The following EPB41L3 variants were observed in gnomAD, a reference collection of about 807,000 sequenced individuals.
EPB41L3 encodes erythrocyte membrane protein band 4.1 like 3.
In EPB41L3, 57 loss-of-function variants were observed where a neutral mutation model predicts 127.1. The observed-to-expected ratio is 0.45, with a 90% confidence interval of 0.36 to 0.56. The LOEUF (loss-of-function observed/expected upper bound fraction) is 0.56, where lower values mean the gene tolerates loss of function less well. EPB41L3 is among the 20% of genes least tolerant of loss of function. The pLI, the probability that EPB41L3 is intolerant of heterozygous loss-of-function variation, is 0.00. For synonymous variants in EPB41L3, 572 were observed against 549.5 expected, an observed-to-expected ratio of 1.04 and a Z score of -0.57; for missense variants, 1,273 against 1,372.2, an observed-to-expected ratio of 0.93 and a Z score of 1.14.
chr18:5,553,014 A>G (rs1315395475), intron 3 of EPB41L3, among the ~76,000 whole-genome samples: 10 of 152,160 alleles, frequency 6.6e-5, no homozygotes, highest in Admixed American at 4.6e-4. Flanking sequence ...ACAATAATAT[A>G]CTCCAATGAG....
intron 8 of EPB41L3, among the ~76,000 whole-genome samples, chr18:5,430,648 C>T (rs1238955705): frequency 6.6e-6 from 1 of 151,630 alleles, no homozygotes; most frequent in African/African-American, 2.4e-5. Context: ...CTGCACCCTC[C>T]ACCTCCAGGG....
At chr18:5,424,640 G>C (rs184628855) in intron 9 of EPB41L3, among the ~76,000 whole-genome samples, 2 of 152,020 alleles carry the variant, frequency 1.3e-5, no homozygotes, top group African/African-American at 2.4e-5. Context: ...ACGAAAAGGG[G>C]TTTTTTTGAT....
intron 3 of EPB41L3, among the ~76,000 whole-genome samples, chr18:5,558,894 A>G (rs1202398495): frequency 6.6e-6 from 1 of 152,254 alleles, no homozygotes; most frequent in Non-Finnish European, 1.5e-5. Context: ...AAGTGTACTT[A>G]GTCTTTAACA....
intron 1 of EPB41L3, among the ~76,000 whole-genome samples, chr18:5,526,592 T>C (rs1442812295): frequency 6.6e-6 from 1 of 152,176 alleles, no homozygotes; most frequent in African/African-American, 2.4e-5. Context: ...TCCTAACATG[T>C]AGACAGATTC....
At chr18:5,506,062 G>A (rs894229146) in intron 1 of EPB41L3, among the ~76,000 whole-genome samples, 2 of 149,044 alleles carry the variant, frequency 1.3e-5, no homozygotes, top group South Asian at 2.2e-4. Context: ...AGCCTACCCC[G>A]CCACATTACT....
At chr18:5,616,107 A>G (rs2094791742) in intron 1 of EPB41L3, among the ~76,000 whole-genome samples, 7 of 152,038 alleles carry the variant, frequency 4.6e-5, no homozygotes, top group Admixed American at 4.6e-4. Context: ...CTTCCACAAA[A>G]ATATAGAACA....
chr18:5,555,817 G>A lies in EPB41L3; in HGVS notation c.-306+56523C>T, dbSNP rs368078921. ...TCCAATCCCATTGTTCTCAGGTGAA[G>A]ACAACACTCTCAAATGCAGCCTCGA... is the stretch of plus-strand genomic sequence containing the variant. On this transcript the variant is annotated intron_variant, in intron 3 of 21. Coordinates refer to the EPB41L3 transcript ENST00000545076. 4.6e-4 allele frequency among the ~76,000 whole-genome samples: 70 copies of A among 152,268 alleles called. 1 individual carries two copies. The highest frequency in any genetic ancestry group is 3.7e-3 in the East Asian group (19 of 5,176).
intron 1 of EPB41L3, among the ~76,000 whole-genome samples, chr18:5,624,652 CTCT>C (rs1284306559): frequency 6.6e-6 from 1 of 152,174 alleles, no homozygotes; most frequent in Non-Finnish European, 1.5e-5. Flanking sequence ...CAACATTCTT[CTCT>C]TCTTCTGTCA....
intron 16 of EPB41L3, among the ~76,000 whole-genome samples, chr18:5,404,418 T>C (rs557550087): frequency 4.1e-4 from 63 of 152,298 alleles, no homozygotes; most frequent in African/African-American, 1.5e-3. Context: ...CCAAACTGCT[T>C]TGCCATTCTG....
At chr18:5,415,583 C>G (rs957910979) in intron 13 of EPB41L3, among the ~76,000 whole-genome samples, 2 of 152,208 alleles carry the variant, frequency 1.3e-5, no homozygotes, top group African/African-American at 4.8e-5. Context: ...CCACGTAGAA[C>G]TCAGTGGGTA....
At chr18:5,396,086 C>T in intron 19 of EPB41L3, 115 bp downstream of exon 19, 2 of 1,285,264 alleles carry the variant, frequency 1.6e-6, no homozygotes, top group South Asian at 2.6e-5. Context: ...AATGGTCTGG[C>T]TGCTGGATCC....
At chr18:5,576,892 A>G (rs889724328) in intron 3 of EPB41L3, among the ~76,000 whole-genome samples, 1 of 152,234 alleles carries the variant, frequency 6.6e-6, no homozygotes, top group African/African-American at 2.4e-5. Context: ...TTTGGAGAGC[A>G]TTCACACTTT....
At chr18:5,439,309 A>C (rs907803436) in intron 5 of EPB41L3, among the ~76,000 whole-genome samples, 1 of 151,968 alleles carries the variant, frequency 6.6e-6, no homozygotes, top group African/African-American at 2.4e-5. Context: ...AAGACTTCCA[A>C]ATCTCCCTGT....
chr18:5,549,984 T>G (rs1568560692), intron 3 of EPB41L3, among the ~76,000 whole-genome samples: 1 of 152,214 alleles, frequency 6.6e-6, no homozygotes, highest in Non-Finnish European at 1.5e-5. Flanking sequence ...AGCAGTTCAT[T>G]AGCAGTAAGT....
chr18:5,599,758 T>C (rs922960962), intron 3 of EPB41L3, among the ~76,000 whole-genome samples: 1 of 152,178 alleles, frequency 6.6e-6, no homozygotes, highest in East Asian at 1.9e-4. Flanking sequence ...CAGAAGCCAC[T>C]ATGCTTCCTG....
At chr18:5,541,252 C>CAAAAAAA (rs370717420) in intron 1 of EPB41L3, among the ~76,000 whole-genome samples, 767 of 46,748 alleles carry the variant, frequency 0.016, 165 homozygotes, top group African/African-American at 0.06. Context: ...GACTCCATCT[C>CAAAAAAA]AAAAAAAAAA....
intron 3 of EPB41L3, among the ~76,000 whole-genome samples, chr18:5,450,601 A>C (rs1328027648): frequency 6.6e-6 from 1 of 152,098 alleles, no homozygotes; most frequent in Non-Finnish European, 1.5e-5. Flanking sequence ...ATACATTCTT[A>C]GTTTAAATTG....
intron 6 of EPB41L3, among the ~76,000 whole-genome samples, chr18:5,437,368 C>T (rs1053596023): frequency 1.3e-5 from 2 of 152,132 alleles, no homozygotes; most frequent in African/African-American, 4.8e-5. Context: ...CTGCGGGCAC[C>T]CTGATCTCAA....
intron 1 of EPB41L3, among the ~76,000 whole-genome samples, chr18:5,511,483 G>A (rs984917224): frequency 1.6e-5 from 2 of 126,124 alleles, no homozygotes; most frequent in African/African-American, 6.3e-5. Flanking sequence ...TCCCTTCTTT[G>A]GCCCAGATTG....
Sources: gnomAD v4.1 joint callset for allele counts (sites outside exome capture counted in the v4.1 genomes callset) on GRCh38, gnomAD v4.1.1 for gene constraint, MANE v1.5 for transcripts, NCBI Gene and HGNC (gene_info 2026-07-23, HGNC 2026-07-21) for gene names.